Variants in UBR3 observed in about 807,000 individuals in gnomAD.
UBR3 encodes the protein E3 ubiquitin-protein ligase UBR3.
In UBR3, 85 loss-of-function variants were observed where a neutral mutation model predicts 243.2. The observed-to-expected ratio is 0.35, with a 90% CI of 0.29 to 0.42. UBR3 has a LOEUF of 0.42. Ranked by LOEUF, UBR3 falls within the 10% of genes least tolerant of loss-of-function variation. The pLI is 1.00. For synonymous variants in UBR3, 748 were observed against 799.8 expected, an observed-to-expected ratio of 0.94 and a Z score of 1.09; for missense variants, 1,686 against 2,300.8, an observed-to-expected ratio of 0.73 and a Z score of 5.47.
intron 35 of UBR3, 51 bp downstream of exon 35, chr2:170,061,494 G>A (rs2091455874): frequency 2.5e-6 from 4 of 1,590,976 alleles, no homozygotes; most frequent in Non-Finnish European, 3.4e-6. Context: ...TTCAGATGGA[G>A]TCTCTCTCTG....
intron 1 of UBR3, among the ~76,000 whole-genome samples, chr2:169,860,405 G>A (rs1457500573): frequency 1.3e-5 from 2 of 152,176 alleles, no homozygotes; most frequent in Non-Finnish European, 2.9e-5. Context: ...TTAGTCTCAA[G>A]TGAATTTATC....
At chr2:169,905,642 T>TG (rs1216513938) in intron 9 of UBR3, among the ~76,000 whole-genome samples, 1 of 152,194 alleles carries the variant, frequency 6.6e-6, no homozygotes, top group Non-Finnish European at 1.5e-5. Flanking sequence ...CCCAAAGTGC[T>TG]GGGATTACAG....
At position 169,981,644 on chromosome 2, in the gene UBR3, G is replaced by A. The variant is rs538067406; in HGVS notation, c.3635-5001G>A. ...AGGACATTGGATAAAAATGAAGGAA[G>A]CCTGAAAAAAGTTGGACTTTAGTTA... is the stretch of plus-strand genomic sequence containing the variant. On this transcript the variant is annotated intron_variant, in intron 24 of 38. Transcript: ENST00000272793. Among the ~76,000 whole-genome samples, 5 of 151,654 alleles carry A rather than the reference G, an allele frequency of 3.3e-5. No homozygotes were observed. The South Asian group carries it at 6.2e-4, about 19-fold the overall frequency.
At chr2:170,075,079 T>A (rs2091776875) in intron 36 of UBR3, among the ~76,000 whole-genome samples, 1 of 152,172 alleles carries the variant, frequency 6.6e-6, no homozygotes, top group Non-Finnish European at 1.5e-5. Flanking sequence ...CTAGGTTTCA[T>A]TTTTAAAACA....
Position 170,079,858 on chromosome 2 carries a change from A to G in UBR3, c.5244A>G (p.Leu1748=). The G allele has an allele frequency of 6.2e-7, 1 of 1,614,042 alleles. No homozygotes were observed. The highest frequency in any genetic ancestry group is 1.7e-4 in the Middle Eastern group (1 of 6,056). The change falls in exon 37 of 39, where the codon CTA becomes CTG. Residue 1748 remains leucine (L), a synonymous_variant. Coordinates refer to ENST00000272793, the MANE Select transcript of UBR3 (RefSeq NM_172070.4). The part of the protein sequence containing the change: ...QESKWKLPHL[L]QLPENYNTIF... ...CAAAATGGAAATTACCACACCTACTACAGTTGCCTGAGAATTATAACACCA... is the reference window on the plus strand; with the variant it reads ...CAAAATGGAAATTACCACACCTACTGCAGTTGCCTGAGAATTATAACACCA...
At chr2:169,942,737 T>G in intron 20 of UBR3, 103 bp downstream of exon 20, 1 of 1,150,586 alleles carries the variant, frequency 8.7e-7, no homozygotes, top group Admixed American at 3.5e-5. Context: ...TAAAGCAAAG[T>G]GTATTTATGC....
chr2:170,003,862 G>A (rs1475589277), intron 27 of UBR3, among the ~76,000 whole-genome samples: 2 of 152,046 alleles, frequency 1.3e-5, no homozygotes, highest in African/African-American at 2.4e-5. Flanking sequence ...GGATGGTCTC[G>A]ATCTCCTGAC....
At chr2:169,881,695 C>T (rs1574110449) in intron 5 of UBR3, among the ~76,000 whole-genome samples, 1 of 125,284 alleles carries the variant, frequency 8.0e-6, no homozygotes. Context: ...CACATATATA[C>T]ATATATAATT....
At chr2:169,831,438 C>T (rs62173081) in intron 1 of UBR3, among the ~76,000 whole-genome samples, 8,589 of 151,948 alleles carry the variant, frequency 0.057, 289 homozygotes, top group Non-Finnish European at 0.083. Flanking sequence ...GCATGAGCCA[C>T]CACACCCGGC....
chr2:170,018,703 A>G (rs1451267655), intron 30 of UBR3, among the ~76,000 whole-genome samples: 2 of 152,226 alleles, frequency 1.3e-5, no homozygotes, highest in Admixed American at 6.5e-5. Context: ...ACTTTGAAAG[A>G]TAAGTGAGGT....
Position 169,924,005 on chromosome 2 carries a change from C to CT in UBR3, c.1932+11_1932+12insT. 6.5e-7 allele frequency: 1 copy of CT among 1,534,642 alleles called. No homozygotes were observed. Among genetic ancestry groups the CT allele is most frequent in the Non-Finnish European group, 8.8e-7 (1 of 1,142,062 alleles). ...ATGTTTTTGAGTAAGGTAAGACTGT[C>CT]ATTAAACAATTCTGTTCTTTTTTTT... On this transcript the variant is annotated intron_variant, in intron 12 of 38. Coordinates refer to ENST00000272793, the MANE Select transcript of UBR3 (RefSeq NM_172070.4).
At chr2:169,997,991 C>G (rs972963973) in intron 26 of UBR3, among the ~76,000 whole-genome samples, 7 of 152,154 alleles carry the variant, frequency 4.6e-5, no homozygotes, top group African/African-American at 1.7e-4. Context: ...CACCAGGGAC[C>G]TGGCCCTGTC....
intron 32 of UBR3, among the ~76,000 whole-genome samples, chr2:170,042,294 A>T (rs2090987802): frequency 1.3e-5 from 2 of 151,964 alleles, no homozygotes; most frequent in Non-Finnish European, 2.9e-5. Context: ...GGCATGTATC[A>T]TTACTTCATT....
At chr2:170,044,443 T>C (rs2091036147) in intron 32 of UBR3, among the ~76,000 whole-genome samples, 1 of 152,202 alleles carries the variant, frequency 6.6e-6, no homozygotes, top group African/African-American at 2.4e-5. Context: ...TTAAATATAT[T>C]AAAGACAAGT....
Position 169,877,650 on chromosome 2 carries a change from A to G in UBR3, c.988+13A>G, listed in dbSNP as rs545311837. 5 of 1,532,998 alleles carry G rather than the reference A, an allele frequency of 3.3e-6. No homozygotes were observed. The highest frequency in any genetic ancestry group is 2.8e-5 in the African/African-American group (2 of 71,980). 95.0% of individuals were successfully genotyped at this position (1,532,998 alleles called of 1,614,324 possible). A position where few individuals can be genotyped will look rare whatever the true frequency, so the allele number is the denominator to read the frequency against. On this transcript the variant is annotated intron_variant, in intron 4 of 38. Transcript: ENST00000272793. ...CTGGCTGTTCAAGGTTTGTCTAAAT[A>G]TTTAATTTGAACAGTTGTAACTTTT...
At chr2:169,948,984 A>G (rs2086899100) in intron 22 of UBR3, among the ~76,000 whole-genome samples, 1 of 151,972 alleles carries the variant, frequency 6.6e-6, no homozygotes, top group African/African-American at 2.4e-5. Flanking sequence ...AACAAATCAC[A>G]AATCACAGTT....
rs1288584527 is a variant in UBR3, at chr2:170,007,080, T to A, written c.4120T>A (p.Tyr1374Asn). The change falls in exon 28 of 39, where the codon TAT (tyrosine) becomes AAT (asparagine). Residue 1374 changes from tyrosine (Y) to asparagine (N), a missense_variant. By Grantham distance (143) the Tyr-to-Asn change is moderately radical. Around this residue, in one of 8 missense-constraint regions of UBR3, gnomAD observed 156 missense variants for 246.3 expected, o/e 0.63. Transcript: ENST00000272793. ...RQFANSVLPC[Y>N]PGSNVENNPW... ...GTTTGCTAACAGTGTTCTTCCATGT[T>A]ATCCTGGAAGCAATGTGGAAAATAA... 21 of 1,613,842 alleles carry A rather than the reference T, an allele frequency of 1.3e-5. No individual in the cohort carries two copies.
chr2:169,855,798 T>C (rs1459184239), intron 1 of UBR3, among the ~76,000 whole-genome samples: 2 of 152,184 alleles, frequency 1.3e-5, no homozygotes, highest in Non-Finnish European at 2.9e-5. Context: ...TTCCCCACAC[T>C]TCCCCACTTT....
chr2:169,877,375 A>G, intron 3 of UBR3, 119 bp from the exon 4 acceptor site: 1 of 891,636 alleles, frequency 1.1e-6, no homozygotes, highest in Non-Finnish European at 1.6e-6. Context: ...TATATTATTC[A>G]TTCTAGGGCT....
Sources: gnomAD v4.1 joint callset for allele counts (sites outside exome capture counted in the v4.1 genomes callset) on GRCh38, gnomAD v4.1.1 for gene constraint, gnomAD v4.1.1 regional missense constraint, MANE v1.5 for transcripts, NCBI Gene and HGNC (gene_info 2026-07-23, HGNC 2026-07-21) for gene names.